BZW2: variants seen among roughly 807,000 people sequenced by gnomAD.
BZW2 encodes basic leucine zipper and W2 domains 2, also known as eIF5-mimic protein 1.
BZW2 carries 23 observed loss-of-function variants against 53.2 expected under a neutral mutation model. The ratio of observed to expected loss-of-function variants is 0.43; its 90% CI spans 0.31 to 0.61. BZW2 has a LOEUF of 0.61. Ranked by LOEUF, BZW2 falls within the 20% of genes least tolerant of loss-of-function variation. The pLI, the probability that BZW2 is intolerant of heterozygous loss-of-function variation, is 0.09. For synonymous variants in BZW2, 227 were observed against 186.4 expected (o/e 1.22, Z -1.77); for missense variants, 409 against 503.1 (o/e 0.81, Z 1.79).
chr7:16,678,087 CTTTTTTT>C (rs71007780), intron 3 of BZW2, among the ~76,000 whole-genome samples: 850 of 66,906 alleles, frequency 0.013, 13 homozygotes, highest in African/African-American at 0.044. Context: ...TTCCATTGTT[CTTTTTTT>C]TTTTTTTTTT....
At chr7:16,688,949 C>T (rs555436983) in intron 6 of BZW2, among the ~76,000 whole-genome samples, 8 of 152,054 alleles carry the variant, frequency 5.3e-5, no homozygotes, top group African/African-American at 9.7e-5. Flanking sequence ...TTTATGGCTG[C>T]GTGCAATGGC....
chr7:16,697,999 C>G, intron 9 of BZW2, 49 bp from the exon 10 acceptor site: 1 of 1,610,478 alleles, frequency 6.2e-7, no homozygotes, highest in Non-Finnish European at 8.5e-7. Context: ...AGTGTCGGCT[C>G]TGTACCTCCC....
At chr7:16,679,776 A>G (rs945876769) in intron 3 of BZW2, among the ~76,000 whole-genome samples, 9 of 152,376 alleles carry the variant, frequency 5.9e-5, no homozygotes, top group Admixed American at 2.0e-4. Flanking sequence ...TGGTATAAGT[A>G]TATACACTAG....
intron 5 of BZW2, among the ~76,000 whole-genome samples, chr7:16,683,071 C>A (rs1783004048): frequency 1.3e-5 from 2 of 152,056 alleles, no homozygotes; most frequent in Admixed American, 6.6e-5. Flanking sequence ...TGGCATGCAC[C>A]TGTAATCCCA....
intron 4 of BZW2, among the ~76,000 whole-genome samples, chr7:16,682,156 A>G (rs10264017): frequency 0.19 from 28,606 of 152,134 alleles, 2,920 homozygotes; most frequent in East Asian, 0.38. Flanking sequence ...TGTGTAGGAG[A>G]AAAAGGAACT....
chr7:16,677,402 C>T (rs547161022), intron 3 of BZW2, among the ~76,000 whole-genome samples: 10 of 152,168 alleles, frequency 6.6e-5, no homozygotes, highest in Non-Finnish European at 1.0e-4. Flanking sequence ...TTAGTACCCC[C>T]TCTCAACAGG....
intron 1 of BZW2, among the ~76,000 whole-genome samples, chr7:16,650,461 T>C (rs908330047): frequency 1.3e-5 from 2 of 152,156 alleles, no homozygotes; most frequent in Non-Finnish European, 2.9e-5. Context: ...TAAGTATTAG[T>C]CTAGGAAAAT....
intron 1 of BZW2, among the ~76,000 whole-genome samples, chr7:16,664,723 A>G (rs936629420): frequency 3.3e-5 from 5 of 152,208 alleles, no homozygotes; most frequent in Admixed American, 2.0e-4. Flanking sequence ...TCCATTTTTT[A>G]TGTATACAAC....
chr7:16,666,852 C>G (rs557270575), intron 2 of BZW2, among the ~76,000 whole-genome samples: 1 of 152,054 alleles, frequency 6.6e-6, no homozygotes, highest in East Asian at 1.9e-4. Context: ...TGGGTTCAAG[C>G]GATGTTCATG....
intron 3 of BZW2, among the ~76,000 whole-genome samples, chr7:16,678,782 A>G (rs971671296): frequency 1.3e-5 from 2 of 151,878 alleles, no homozygotes; most frequent in African/African-American, 2.4e-5. Context: ...AGAAATAGAG[A>G]AAGAGTACAA....
In BZW2 at chr7:16,706,317, T is replaced by C; in HGVS notation, c.*229T>C. On this transcript the variant is annotated 3_prime_UTR_variant, in exon 12 of 12. Transcript: ENST00000258761. Reference sequence around the variant, plus strand: ...ACTCTACCTCTCACTCACTATATGCTAACTTAAAGCCATTCAACAAGGAGT... The same window carrying C: ...ACTCTACCTCTCACTCACTATATGCCAACTTAAAGCCATTCAACAAGGAGT... 2.0e-6 allele frequency: 1 copy of C among 496,978 alleles called. No individual in the cohort carries two copies. Among genetic ancestry groups the C allele is most frequent in the Middle Eastern group, 3.5e-4 (1 of 2,852 alleles). The allele number at this position is 496,978 out of a possible 1,614,324, so 30.8% of individuals were successfully genotyped here.
chr7:16,668,307 C>A (rs1782491858), intron 2 of BZW2, among the ~76,000 whole-genome samples: 1 of 152,206 alleles, frequency 6.6e-6, no homozygotes, highest in African/African-American at 2.4e-5. Flanking sequence ...AGAAAGTTTT[C>A]TCTCCTTCAG....
chr7:16,659,955 C>T (rs899574448), intron 1 of BZW2, among the ~76,000 whole-genome samples: 1 of 151,882 alleles, frequency 6.6e-6, no homozygotes, highest in Non-Finnish European at 1.5e-5. Flanking sequence ...CACCCATTAA[C>T]TCGTCATTAA....
intron 7 of BZW2, 72 bp downstream of exon 7, chr7:16,689,978 GTA>G (rs1783251343): frequency 9.1e-7 from 1 of 1,099,722 alleles, no homozygotes; most frequent in Non-Finnish European, 1.3e-6. Flanking sequence ...CTGCAATGTA[GTA>G]TATGAGTAAG....
At chr7:16,662,557 T>G (rs567486768) in intron 1 of BZW2, among the ~76,000 whole-genome samples, 155 of 152,280 alleles carry the variant, frequency 1.0e-3, no homozygotes, top group Non-Finnish European at 2.0e-3. Flanking sequence ...TGAGTTTGTG[T>G]TCTAAACCCC....
intron 2 of BZW2, among the ~76,000 whole-genome samples, chr7:16,666,092 A>T (rs982262226): frequency 1.3e-5 from 2 of 151,972 alleles, no homozygotes; most frequent in Non-Finnish European, 2.9e-5. Context: ...TTGTGTAAAT[A>T]ATATTTTATA....
chr7:16,646,970 G>A (rs994320584), intron 1 of BZW2, among the ~76,000 whole-genome samples: 1 of 152,132 alleles, frequency 6.6e-6, no homozygotes, highest in African/African-American at 2.4e-5. Context: ...GGAGTGGAGG[G>A]TGGGGAGGTT....
At chr7:16,671,345 T>G (rs1408680553) in intron 2 of BZW2, among the ~76,000 whole-genome samples, 1 of 152,228 alleles carries the variant, frequency 6.6e-6, no homozygotes, top group Non-Finnish European at 1.5e-5. Flanking sequence ...CGTTATTTTG[T>G]TATCTCTTGA....
chr7:16,661,912 A>G (rs1782275074), intron 1 of BZW2, among the ~76,000 whole-genome samples: 1 of 152,162 alleles, frequency 6.6e-6, no homozygotes, highest in African/African-American at 2.4e-5. Flanking sequence ...TTAAACTTTT[A>G]TTTTTTTAAA....
Sources: gnomAD v4.1 joint callset for allele counts (sites outside exome capture counted in the v4.1 genomes callset) on GRCh38, gnomAD v4.1.1 for gene constraint, MANE v1.5 for transcripts, NCBI Gene and HGNC (gene_info 2026-07-23, HGNC 2026-07-21) for gene names.